Variants in TSGA10 observed in about 807,000 individuals in gnomAD.
TSGA10 encodes the protein testis specific 10.
Under a neutral mutation model 96.6 loss-of-function variants are expected in TSGA10, and 43 were observed. The observed-to-expected ratio is 0.44, with a 90% CI of 0.35 to 0.57. The LOEUF (loss-of-function observed/expected upper bound fraction) is 0.57, where lower values mean the gene tolerates loss of function less well. Ranked by LOEUF, TSGA10 falls within the 20% of genes least tolerant of loss-of-function variation. The pLI, the probability that TSGA10 is intolerant of heterozygous loss-of-function variation, is 0.01. For missense variants in TSGA10, 703 were observed against 834.4 expected, an observed-to-expected ratio of 0.84 and a Z score of 1.94; for synonymous variants, 229 against 269.9, an observed-to-expected ratio of 0.85 and a Z score of 1.48.
chr2:99,082,283 A>G (rs1477381732), intron 10 of TSGA10, among the ~76,000 whole-genome samples: 1 of 151,978 alleles, frequency 6.6e-6, no homozygotes, highest in Non-Finnish European at 1.5e-5. Context: ...TTTTGTAACC[A>G]TTTGCCTTTT....
intron 14 of TSGA10, among the ~76,000 whole-genome samples, chr2:99,069,615 A>G (rs922993035): frequency 3.4e-5 from 5 of 147,878 alleles, no homozygotes; most frequent in African/African-American, 1.3e-4. Flanking sequence ...CCTGAACAAC[A>G]TAGTGGGAAC....
chr2:99,141,159 C>A (rs1332513211), intron 1 of TSGA10: 2 of 1,264,600 alleles, frequency 1.6e-6, no homozygotes, highest in East Asian at 6.6e-5. Flanking sequence ...TGTCAGCTCT[C>A]GGCCTCAGCG....
rs192891726 is a variant in TSGA10, at chr2:99,087,000, T to C, written c.612-5603A>G. 2.3e-3 allele frequency among the ~76,000 whole-genome samples: 350 copies of C among 151,738 alleles called. 3 individuals are homozygous for C. Among genetic ancestry groups the C allele is most frequent in the East Asian group, 1.9e-3 (10 of 5,150 alleles). On this transcript the variant is annotated intron_variant, in intron 10 of 20. Coordinates refer to ENST00000393483, the MANE Select transcript of TSGA10 (RefSeq NM_025244.4). ...AGGGCGAATCACGAGGTCAGGAGAT[T>C]GAGACCATCCTGGCTAACACAGTGA...
chr2:99,083,465 C>G (rs181777816), intron 10 of TSGA10, among the ~76,000 whole-genome samples: 1 of 151,950 alleles, frequency 6.6e-6, no homozygotes, highest in Non-Finnish European at 1.5e-5. Flanking sequence ...AAGAAACAAA[C>G]GAAAAACACC....
intron 16 of TSGA10, among the ~76,000 whole-genome samples, chr2:99,059,565 G>C (rs1249067520): frequency 6.6e-6 from 1 of 151,748 alleles, no homozygotes; most frequent in East Asian, 1.9e-4. Flanking sequence ...CTTGAACCTG[G>C]GAGGCGGAAG....
chr2:99,147,524 T>C lies in TSGA10; in HGVS notation c.-621+7169A>G, dbSNP rs370177678. 6.7e-5 allele frequency: 107 copies of C among 1,603,270 alleles called. No individual in the cohort carries two copies. The African/African-American group carries it at 9.5e-4, about 14-fold the overall frequency. ...ACTCACAGGGCCAAGTCTACCCTAT[T>C]ATACTTGGTTCCTCCTCAGTCCTTT... is the stretch of plus-strand genomic sequence containing the variant. On this transcript the variant is annotated intron_variant, in intron 1 of 20. Coordinates refer to ENST00000393483, the MANE Select transcript of TSGA10 (RefSeq NM_025244.4).
At position 99,137,861 on chromosome 2, in the gene TSGA10, T is replaced by C. The variant is rs75590511; in HGVS notation, c.-620-10685A>G. ...GAGATCGTGTCACTGCACTCCAGCC[T>C]GGGCAACAGAGTGAGACTCCATGTC... On this transcript the variant is annotated intron_variant, in intron 1 of 20. Coordinates refer to ENST00000393483, the MANE Select transcript of TSGA10 (RefSeq NM_025244.4). Among the ~76,000 whole-genome samples, 1,002 of 143,476 alleles carry C rather than the reference T, an allele frequency of 7.0e-3. 5 individuals carry two copies. The highest frequency in any genetic ancestry group is 0.011 in the Non-Finnish European group (704 of 66,624). 94.1% of individuals were successfully genotyped at this position (143,476 alleles called of 152,430 possible). A position where few individuals can be genotyped will look rare whatever the true frequency, so the allele number is the denominator to read the frequency against.
chr2:99,001,954 C>T (rs187136392), intron 20 of TSGA10, among the ~76,000 whole-genome samples: 7 of 152,176 alleles, frequency 4.6e-5, no homozygotes, highest in Admixed American at 2.0e-4. Flanking sequence ...TAAAAAGAAA[C>T]GAACAAAGCC....
rs2085700299 is a variant in TSGA10 at position 99,069,722 on chromosome 2, TTAA to T, written c.1108-727_1108-725del. Among the ~76,000 whole-genome samples the T allele has an allele frequency of 4.6e-5, 7 of 152,056 alleles. No homozygotes were observed. In the South Asian group the frequency reaches 1.5e-3, roughly 32 times the overall value. ...ACTCTGAAATGAAATCTAATAAAAT[TTAA>T]TGAGATGCTGTCATTAAGGCATTTG... On this transcript the variant is annotated intron_variant, in intron 14 of 20. Transcript: ENST00000393483.
intron 16 of TSGA10, among the ~76,000 whole-genome samples, chr2:99,036,534 G>A (rs1301233845): frequency 6.6e-6 from 1 of 151,868 alleles, no homozygotes; most frequent in South Asian, 2.1e-4. Flanking sequence ...AATACCCTAA[G>A]AGAAAAAACA....
At position 99,004,374 on chromosome 2, in the gene TSGA10, G is replaced by A. The variant is rs1328711035; in HGVS notation, c.2073-6153C>T. Among the ~76,000 whole-genome samples the A allele has an allele frequency of 2.7e-5, 4 of 149,220 alleles. No homozygotes were observed. The East Asian group carries it at 6.1e-4, about 23-fold the overall frequency. On this transcript the variant is annotated intron_variant, in intron 20 of 20. Transcript: ENST00000393483. Reference sequence around the variant, plus strand: ...AGCCGAATTCTACCAGAGGTACAAAGAGGAGCTGGTACCATTCCTTCTGAA... The same window carrying A: ...AGCCGAATTCTACCAGAGGTACAAAAAGGAGCTGGTACCATTCCTTCTGAA...
chr2:99,024,385 G>A (rs940637047), intron 17 of TSGA10, among the ~76,000 whole-genome samples: 5 of 152,044 alleles, frequency 3.3e-5, no homozygotes, highest in African/African-American at 9.7e-5. Flanking sequence ...ACCGCGTCTG[G>A]CCGTATTTGT....
intron 1 of TSGA10, among the ~76,000 whole-genome samples, chr2:99,144,194 T>C (rs893496410): frequency 5.3e-5 from 8 of 151,976 alleles, no homozygotes; most frequent in African/African-American, 1.9e-4. Flanking sequence ...CTAATTTTTT[T>C]GTATTTTTAG....
chr2:99,015,828 T>G (rs2104914999), intron 20 of TSGA10, among the ~76,000 whole-genome samples: 1 of 152,274 alleles, frequency 6.6e-6, no homozygotes, highest in Non-Finnish European at 1.5e-5. Context: ...CACAAATCAG[T>G]AGCACTGCTA....
At chr2:99,074,490 T>G (rs556644313) in intron 12 of TSGA10, among the ~76,000 whole-genome samples, 29 of 140,586 alleles carry the variant, frequency 2.1e-4, no homozygotes, top group Non-Finnish European at 3.4e-4. Flanking sequence ...GATACTGGTG[T>G]GTTGTTAAAA....
intron 1 of TSGA10, among the ~76,000 whole-genome samples, chr2:99,137,401 A>C (rs2093369349): frequency 6.6e-6 from 1 of 152,242 alleles, no homozygotes. Context: ...AGGAACAGAA[A>C]GAAAAAGCTA....
intron 10 of TSGA10, chr2:99,102,727 TAGA>T (rs2090914109): frequency 1.2e-6 from 2 of 1,608,830 alleles, no homozygotes; most frequent in East Asian, 2.2e-5. Flanking sequence ...AAAGACTTTG[TAGA>T]AGATGATACC....
At chr2:99,047,742 A>C (rs527755066) in intron 16 of TSGA10, among the ~76,000 whole-genome samples, 2 of 152,328 alleles carry the variant, frequency 1.3e-5, no homozygotes, top group Admixed American at 6.5e-5. Flanking sequence ...AGGAGAAAGA[A>C]ATAAAGGGCA....
intron 17 of TSGA10, among the ~76,000 whole-genome samples, chr2:99,025,017 T>G (rs1300395968): frequency 6.6e-6 from 1 of 152,188 alleles, no homozygotes; most frequent in Admixed American, 6.5e-5. Context: ...TCGTTTTATG[T>G]GTTGTTGGAT....
Sources: allele counts gnomAD v4.1 joint callset (sites outside exome capture counted in the v4.1 genomes callset), GRCh38; gene constraint gnomAD v4.1.1; transcripts MANE v1.5; gene names NCBI Gene and HGNC (gene_info 2026-07-23, HGNC 2026-07-21).